The following FCHSD2 variants were observed in gnomAD, a reference collection of about 807,000 sequenced individuals.
The protein encoded by FCHSD2 is FCH and double SH3 domains 2, also known as F-BAR and double SH3 domains protein 2.
In FCHSD2, 38 loss-of-function variants were observed where a neutral mutation model predicts 108.1. The observed-to-expected ratio is 0.35, with a 90% CI of 0.27 to 0.46. The LOEUF (loss-of-function observed/expected upper bound fraction) is 0.46. Among genes scored for constraint, FCHSD2 ranks in the 20% least tolerant of loss-of-function variants. The pLI is 1.00. For missense variants in FCHSD2, 751 were observed against 897.8 expected, an observed-to-expected ratio of 0.84 and a Z score of 2.09; for synonymous variants, 279 against 314.7, an observed-to-expected ratio of 0.89 and a Z score of 1.20.
intron 3 of FCHSD2, among the ~76,000 whole-genome samples, chr11:73,055,108 T>C (rs1858994573): frequency 6.6e-6 from 1 of 151,846 alleles, no homozygotes. Flanking sequence ...GGAGGGAAAA[T>C]GCCAGGCACT....
At chr11:73,100,446 C>T (rs961824202) in intron 2 of FCHSD2, among the ~76,000 whole-genome samples, 5 of 152,106 alleles carry the variant, frequency 3.3e-5, no homozygotes, top group Non-Finnish European at 1.5e-5. Flanking sequence ...TCACCGCAAC[C>T]TCCACCTCCT....
chr11:72,917,235 G>A (rs999318395), intron 9 of FCHSD2, among the ~76,000 whole-genome samples: 11 of 151,978 alleles, frequency 7.2e-5, no homozygotes, highest in African/African-American at 2.4e-4. Context: ...CACCCATCTC[G>A]GCCTCTCAAA....
chr11:72,928,904 G>A (rs1856132574), intron 8 of FCHSD2, among the ~76,000 whole-genome samples: 1 of 150,944 alleles, frequency 6.6e-6, no homozygotes, highest in South Asian at 2.1e-4. Flanking sequence ...CCCGATGTGT[G>A]ATGTTCCCCT....
intron 8 of FCHSD2, chr11:72,983,876 C>T (rs1297893227): frequency 3.1e-6 from 2 of 647,962 alleles, no homozygotes; most frequent in Non-Finnish European, 5.7e-6. Context: ...TAATCCTTTA[C>T]TGTGACTTGT....
chr11:73,009,486 G>A (rs1857814523), intron 4 of FCHSD2, among the ~76,000 whole-genome samples: 1 of 152,108 alleles, frequency 6.6e-6, no homozygotes, highest in South Asian at 2.1e-4. Flanking sequence ...GATGGAGTGA[G>A]AAGTGTCTCA....
Position 72,842,764 on chromosome 11 carries a change from G to A in FCHSD2, c.1783C>T (p.Arg595Cys), listed in dbSNP as rs770238136. Residue 595 changes from arginine (R) to cysteine (C), a missense_variant, in exon 17 of 20, where the codon CGT (arginine) becomes TGT (cysteine). Transcript: ENST00000409418. ...TCTTGGTTTTCTTTGTTCAAGATAC[G>A]GATTATTGCTCCCTCAGGAAAAGAT... Reference protein sequence around the residue: ...ELSFPEGAIIRILNKENQDDD... With the variant: ...ELSFPEGAIICILNKENQDDD... 10 of 1,613,838 alleles carry A rather than the reference G, an allele frequency of 6.2e-6. No homozygotes were observed. Among genetic ancestry groups the A allele is most frequent in the East Asian group, 2.2e-5 (1 of 44,882 alleles).
intron 4 of FCHSD2, among the ~76,000 whole-genome samples, chr11:73,012,533 G>A (rs1002918835): frequency 1.1e-4 from 17 of 152,060 alleles, no homozygotes; most frequent in Admixed American, 8.5e-4. Flanking sequence ...ATATAAATAC[G>A]AAAAAGTTAA....
intron 10 of FCHSD2, among the ~76,000 whole-genome samples, chr11:72,892,596 TTTTG>T (rs745343426): frequency 4.0e-5 from 6 of 151,742 alleles, no homozygotes; most frequent in Non-Finnish European, 7.4e-5. Context: ...GTTTTTGTGT[TTTTG>T]TTTGTTTTGT....
intron 2 of FCHSD2, among the ~76,000 whole-genome samples, chr11:73,118,710 C>T (rs1474631050): frequency 1.3e-5 from 2 of 152,104 alleles, no homozygotes; most frequent in African/African-American, 4.8e-5. Context: ...TATGATGATA[C>T]TATAATGATG....
intron 2 of FCHSD2, among the ~76,000 whole-genome samples, chr11:73,133,967 T>G (rs1461807073): frequency 1.3e-5 from 2 of 151,914 alleles, no homozygotes; most frequent in Non-Finnish European, 2.9e-5. Flanking sequence ...ACATTTTAAA[T>G]TGGCGTGACG....
At chr11:73,017,555 G>T (rs1469593840) in intron 3 of FCHSD2, among the ~76,000 whole-genome samples, 1 of 152,048 alleles carries the variant, frequency 6.6e-6, no homozygotes, top group Admixed American at 6.5e-5. Flanking sequence ...CCCGAACTTG[G>T]CAACAATTTG....
intron 9 of FCHSD2, among the ~76,000 whole-genome samples, chr11:72,906,665 C>T (rs1338312955): frequency 6.6e-6 from 1 of 152,188 alleles, no homozygotes; most frequent in Admixed American, 6.5e-5. Context: ...TTTCCCAGCA[C>T]CATTTATTAA....
intron 2 of FCHSD2, among the ~76,000 whole-genome samples, chr11:73,109,613 G>A (rs1168999047): frequency 2.0e-5 from 3 of 152,096 alleles, no homozygotes; most frequent in Non-Finnish European, 2.9e-5. Context: ...GGGTCTTTAT[G>A]TTTCCCCAAA....
chr11:73,001,937 T>C (rs1857633727), intron 4 of FCHSD2, among the ~76,000 whole-genome samples: 1 of 152,178 alleles, frequency 6.6e-6, no homozygotes, highest in African/African-American at 2.4e-5. Flanking sequence ...CTAAATGCCT[T>C]AGTCAATTCT....
At chr11:72,848,897 T>C (rs1041566644) in intron 14 of FCHSD2, among the ~76,000 whole-genome samples, 2 of 152,330 alleles carry the variant, frequency 1.3e-5, no homozygotes, top group East Asian at 3.9e-4. Context: ...GAGAAGATGA[T>C]TTTAAATTTT....
intron 13 of FCHSD2, among the ~76,000 whole-genome samples, chr11:72,861,417 G>A (rs984021511): frequency 4.7e-5 from 7 of 150,298 alleles, no homozygotes; most frequent in African/African-American, 9.8e-5. Context: ...AAAACTCCAG[G>A]ACCAGATAAC....
At chr11:73,025,041 G>C (rs1365099669) in intron 3 of FCHSD2, among the ~76,000 whole-genome samples, 9 of 152,182 alleles carry the variant, frequency 5.9e-5, no homozygotes, top group Admixed American at 5.9e-4. Flanking sequence ...CACTGTTTAT[G>C]GAAGTGTAAA....
intron 10 of FCHSD2, among the ~76,000 whole-genome samples, chr11:72,892,292 G>A (rs1460755512): frequency 1.3e-5 from 2 of 152,166 alleles, no homozygotes; most frequent in African/African-American, 4.8e-5. Flanking sequence ...TAAGACTTGG[G>A]AGTCCAATGA....
chr11:72,958,550 AAC>A (rs1856758557), intron 8 of FCHSD2, among the ~76,000 whole-genome samples: 1 of 152,114 alleles, frequency 6.6e-6, no homozygotes, highest in Admixed American at 6.6e-5. Flanking sequence ...AACAACAAAA[AAC>A]AGTTGTTGGA....
Sources: allele counts gnomAD v4.1 joint callset (sites outside exome capture counted in the v4.1 genomes callset), GRCh38; gene constraint gnomAD v4.1.1; transcripts MANE v1.5; gene names NCBI Gene and HGNC (gene_info 2026-07-23, HGNC 2026-07-21).